DENND5A: variants seen among roughly 807,000 people sequenced by gnomAD.
DENND5A encodes DENN domain-containing protein 5A.
Under a neutral mutation model 140.3 loss-of-function variants are expected in DENND5A, and 64 were observed. That is an observed-to-expected ratio of 0.46 (90% CI 0.37 to 0.56). The LOEUF is 0.56. Among genes scored for constraint, DENND5A ranks in the 20% least tolerant of loss-of-function variants. The pLI is 0.00. For missense variants in DENND5A, 1,292 were observed against 1,593.8 expected (o/e 0.81, Z 3.22); for synonymous variants, 605 against 607.7 (o/e 1.00, Z 0.07).
At chr11:9,259,472 A>ACTCC (rs1852095754) in intron 1 of DENND5A, among the ~76,000 whole-genome samples, 1 of 151,934 alleles carries the variant, frequency 6.6e-6, no homozygotes, top group Admixed American at 6.6e-5. Context: ...AGGCTGAGGC[A>ACTCC]GGAGAATGGC....
intron 12 of DENND5A, among the ~76,000 whole-genome samples, chr11:9,160,159 A>G (rs1006618992): frequency 6.6e-6 from 1 of 152,258 alleles, no homozygotes; most frequent in Admixed American, 6.5e-5. Flanking sequence ...ATTTAAAAAT[A>G]CATAAAAATA....
intron 1 of DENND5A, among the ~76,000 whole-genome samples, chr11:9,254,179 AG>A (rs1290095761): frequency 3.2e-4 from 42 of 130,502 alleles, no homozygotes; most frequent in African/African-American, 1.2e-3. Context: ...AAAAAAAAAA[AG>A]CCAGGTGTGG....
chr11:9,206,622 T>C, intron 3 of DENND5A, 51 bp downstream of exon 3: 1 of 1,325,352 alleles, frequency 7.5e-7, no homozygotes. Context: ...CACAATCCTA[T>C]TATAAATTAC....
At chr11:9,242,974 G>A (rs1851299474) in intron 1 of DENND5A, 2 of 151,416 alleles carry the variant, frequency 1.3e-5, no homozygotes, top group African/African-American at 4.9e-5. Context: ...TGTAATCCCA[G>A]CTACTCGGGA....
Position 9,178,259 on chromosome 11 carries a change from A to C in DENND5A, c.1779T>G (p.Asp593Glu). Residue 593 changes from aspartate (D) to glutamate (E), a missense_variant, in exon 8 of 23, where the codon GAT becomes GAG. Asp to Glu is a conservative substitution (Grantham distance 45, BLOSUM62 2). Around this residue, in one of 4 missense-constraint regions of DENND5A, gnomAD observed 199 missense variants for 189.1 expected, o/e 1.05. Transcript: ENST00000328194. Reference sequence around the variant, plus strand: ...GGAGTACAGGGTCTTTATCATCATCATCATGACACATTATTTTGTTGTCAA... The same window carrying C: ...GGAGTACAGGGTCTTTATCATCATCCTCATGACACATTATTTTGTTGTCAA... ...SFIDNKIMCH[D>E]DDDKDPVLRV... is the part of the protein sequence containing the mutation. 5 of 1,613,930 alleles carry C rather than the reference A, an allele frequency of 3.1e-6. No homozygotes were observed. Among genetic ancestry groups the C allele is most frequent in the Non-Finnish European group, 4.2e-6 (5 of 1,179,820 alleles).
intron 2 of DENND5A, chr11:9,207,276 A>G: frequency 2.0e-6 from 1 of 501,996 alleles, no homozygotes. Flanking sequence ...GGTAAATCTA[A>G]TGAGATATTC....
intron 1 of DENND5A, among the ~76,000 whole-genome samples, chr11:9,231,993 T>C (rs1002759790): frequency 1.3e-5 from 2 of 152,106 alleles, no homozygotes; most frequent in Non-Finnish European, 2.9e-5. Context: ...GTAATGTTTC[T>C]CTTTCACTTG....
intron 1 of DENND5A, among the ~76,000 whole-genome samples, chr11:9,249,448 C>G (rs1046204700): frequency 1.3e-5 from 2 of 152,180 alleles, no homozygotes; most frequent in African/African-American, 4.8e-5. Flanking sequence ...TCATTGCAGC[C>G]TGGACCTCCC....
intron 1 of DENND5A, among the ~76,000 whole-genome samples, chr11:9,228,125 A>C (rs962966209): frequency 6.6e-6 from 1 of 151,282 alleles, no homozygotes; most frequent in Non-Finnish European, 1.5e-5. Flanking sequence ...AAAAAAAAAA[A>C]AAAAAAACTT....
chr11:9,186,888 C>G (rs963044584), intron 5 of DENND5A, among the ~76,000 whole-genome samples: 2 of 152,124 alleles, frequency 1.3e-5, no homozygotes, highest in South Asian at 2.1e-4. Context: ...CAAGACCAGT[C>G]TGGCCAACAT....
intron 15 of DENND5A, among the ~76,000 whole-genome samples, chr11:9,148,841 G>A (rs1847516709): frequency 6.6e-6 from 1 of 152,192 alleles, no homozygotes; most frequent in Admixed American, 6.5e-5. Flanking sequence ...CTTCAGATGT[G>A]GGCATCTCCT....
In DENND5A at chr11:9,190,673, C is replaced by T. The variant is rs539284894; in HGVS notation, c.1137+2821G>A. Among the ~76,000 whole-genome samples the T allele has an allele frequency of 8.5e-5, 13 of 152,182 alleles. No homozygotes were observed. In the South Asian group the frequency reaches 2.7e-3, roughly 32 times the overall value. On this transcript the variant is annotated intron_variant, in intron 5 of 22. Transcript: ENST00000328194. ...AGTGTAAAAATGGACTAATACACTG[C>T]CCCAAAGCTTCCTTCTAAGACTGTA...
At chr11:9,249,259 G>C (rs11042241) in intron 1 of DENND5A, among the ~76,000 whole-genome samples, 3 of 151,938 alleles carry the variant, frequency 2.0e-5, no homozygotes, top group Non-Finnish European at 4.4e-5. Context: ...CAAGTCCTCT[G>C]ACACTCCTGG....
At chr11:9,196,501 C>T (rs946354548) in intron 4 of DENND5A, among the ~76,000 whole-genome samples, 2 of 152,152 alleles carry the variant, frequency 1.3e-5, no homozygotes, top group African/African-American at 4.8e-5. Flanking sequence ...GAAGGAGAAC[C>T]AGGGTGCAGA....
intron 1 of DENND5A, among the ~76,000 whole-genome samples, chr11:9,229,683 C>T (rs1850679858): frequency 6.6e-6 from 1 of 152,078 alleles, no homozygotes; most frequent in Non-Finnish European, 1.5e-5. Context: ...CTGCCCTATA[C>T]CCAGGAAGAA....
intron 1 of DENND5A, among the ~76,000 whole-genome samples, chr11:9,210,444 A>C (rs894583212): frequency 2.0e-5 from 3 of 152,248 alleles, no homozygotes; most frequent in African/African-American, 7.2e-5. Flanking sequence ...GTTCAAATCA[A>C]TCATAACAGA....
Position 9,264,974 on chromosome 11 carries a change from C to T in DENND5A, c.96G>A (p.Pro32=), listed in dbSNP as rs765353371. The change falls in exon 1 of 23, where the codon CCG becomes CCA. Residue 32 remains proline (P), a synonymous_variant. Transcript: ENST00000328194. ...CGLDTETGLE[P]DELSALCQYI... ...GCGCGCACTCACCCGACAGCTCGTC[C>T]GGCTCCAGCCCGGTCTCCGTGTCCA... 4 of 1,583,760 alleles carry T rather than the reference C, an allele frequency of 2.5e-6. No homozygotes were observed. Among genetic ancestry groups the T allele is most frequent in the African/African-American group, 1.4e-5 (1 of 72,690 alleles).
chr11:9,259,459 C>G (rs1486695647), intron 1 of DENND5A, among the ~76,000 whole-genome samples: 1 of 147,314 alleles, frequency 6.8e-6, no homozygotes, highest in Non-Finnish European at 1.5e-5. Context: ...CCAGCTACTC[C>G]GGAGGCTGAG....
chr11:9,169,909 C>T lies in DENND5A; in HGVS notation c.2098G>A (p.Asp700Asn). The change falls in exon 10 of 23, where the codon GAT becomes AAT. Residue 700 changes from aspartate to asparagine, a missense_variant. Asp to Asn is a conservative substitution (Grantham distance 23, BLOSUM62 1). Around this residue, in one of 4 missense-constraint regions of DENND5A, gnomAD observed 199 missense variants for 189.1 expected, o/e 1.05. Coordinates refer to ENST00000328194, the MANE Select transcript of DENND5A (RefSeq NM_015213.4). ...RNAPAQWRRK[D>N]RQKQHTEHLR... Reference sequence around the variant, plus strand: ...TGTTCTGTGTGCTGCTTCTGCCGATCTTTCCGCCTCCACTGGGCAGGGGCA... The same window carrying T: ...TGTTCTGTGTGCTGCTTCTGCCGATTTTTCCGCCTCCACTGGGCAGGGGCA... The T allele has an allele frequency of 6.2e-7, 1 of 1,614,026 alleles. No homozygotes were observed. The highest frequency in any genetic ancestry group is 8.5e-7 in the Non-Finnish European group (1 of 1,179,854).
Sources: allele counts gnomAD v4.1 joint callset (sites outside exome capture counted in the v4.1 genomes callset), GRCh38; gene constraint gnomAD v4.1.1; regional missense constraint gnomAD v4.1.1; transcripts MANE v1.5; gene names NCBI Gene and HGNC (gene_info 2026-07-23, HGNC 2026-07-21).